Variants in ROR1 observed in about 807,000 individuals in gnomAD.
The protein encoded by ROR1 is ROR family WNT receptor 1.
In ROR1, 19 loss-of-function variants were observed where a neutral mutation model predicts 78.8. The ratio of observed to expected loss-of-function variants is 0.24; its 90% CI spans 0.17 to 0.35. The LOEUF (loss-of-function observed/expected upper bound fraction) is 0.35, where lower values mean the gene tolerates loss of function less well. Among genes scored for constraint, ROR1 ranks in the 10% least tolerant of loss-of-function variants. ROR1 has a pLI of 1.00. For missense variants in ROR1, 917 were observed against 1,177.8 expected, an observed-to-expected ratio of 0.78 and a Z score of 3.24; for synonymous variants, 386 against 433.6, an observed-to-expected ratio of 0.89 and a Z score of 1.36.
At chr1:63,881,946 C>A (rs1645325785) in intron 1 of ROR1, among the ~76,000 whole-genome samples, 1 of 152,092 alleles carries the variant, frequency 6.6e-6, no homozygotes, top group East Asian at 1.9e-4. Context: ...AGATGTACCA[C>A]CCATTTTCTG....
chr1:64,054,849 C>G (rs1366941583), intron 4 of ROR1, among the ~76,000 whole-genome samples: 1 of 152,088 alleles, frequency 6.6e-6, no homozygotes, highest in Non-Finnish European at 1.5e-5. Context: ...GGGGTTGGTT[C>G]TTTCTTATGG....
intron 1 of ROR1, among the ~76,000 whole-genome samples, chr1:63,804,672 C>T (rs906911928): frequency 3.9e-5 from 6 of 152,050 alleles, no homozygotes; most frequent in African/African-American, 9.7e-5. Flanking sequence ...AAGTGCAGAA[C>T]GTGTAGGTTT....
At chr1:63,903,134 T>C (rs1300470232) in intron 1 of ROR1, among the ~76,000 whole-genome samples, 1 of 152,108 alleles carries the variant, frequency 6.6e-6, no homozygotes, top group Non-Finnish European at 1.5e-5. Context: ...CCCAATAAAA[T>C]CAGGGTTCTG....
intron 1 of ROR1, among the ~76,000 whole-genome samples, chr1:63,866,396 T>C (rs1645215611): frequency 2.0e-5 from 3 of 152,214 alleles, no homozygotes; most frequent in Admixed American, 2.0e-4. Context: ...TGGCTGCTCA[T>C]TGCAAAACCC....
intron 4 of ROR1, among the ~76,000 whole-genome samples, chr1:64,071,599 A>G (rs1647004588): frequency 6.7e-6 from 1 of 149,652 alleles, no homozygotes; most frequent in South Asian, 2.2e-4. Context: ...ACACACACAC[A>G]GACACACACA....
At chr1:63,995,381 G>T (rs997928088) in intron 1 of ROR1, among the ~76,000 whole-genome samples, 1 of 152,008 alleles carries the variant, frequency 6.6e-6, no homozygotes, top group Admixed American at 6.6e-5. Flanking sequence ...CTGTACTTTT[G>T]CCTCTCTCAA....
At chr1:64,021,134 T>C (rs1225361742) in intron 2 of ROR1, among the ~76,000 whole-genome samples, 1 of 151,512 alleles carries the variant, frequency 6.6e-6, no homozygotes, top group Non-Finnish European at 1.5e-5. Context: ...TTGCTGCAAA[T>C]AACTCATGAT....
intron 1 of ROR1, among the ~76,000 whole-genome samples, chr1:63,875,371 G>A (rs1202781923): frequency 6.6e-6 from 1 of 152,104 alleles, no homozygotes; most frequent in Non-Finnish European, 1.5e-5. Context: ...AATTAGACAG[G>A]GCTATGTTTA....
intron 7 of ROR1, among the ~76,000 whole-genome samples, chr1:64,150,142 C>T (rs1333971243): frequency 6.6e-6 from 1 of 152,144 alleles, no homozygotes; most frequent in Non-Finnish European, 1.5e-5. Flanking sequence ...CTAGCCATGC[C>T]AGCATGTCTG....
intron 2 of ROR1, among the ~76,000 whole-genome samples, chr1:64,013,304 G>T (rs1646492368): frequency 6.6e-6 from 1 of 151,980 alleles, no homozygotes; most frequent in South Asian, 2.1e-4. Flanking sequence ...TCCCTTTCTG[G>T]CCTTCCACAC....
chr1:63,789,313 C>T, intron 1 of ROR1: 1 of 506,598 alleles, frequency 2.0e-6, no homozygotes, highest in Non-Finnish European at 3.7e-6. Flanking sequence ...ATGGCTGTGA[C>T]CATAGCAGTG....
chr1:64,088,279 A>G (rs962886089), intron 4 of ROR1, among the ~76,000 whole-genome samples: 2 of 152,208 alleles, frequency 1.3e-5, no homozygotes, highest in African/African-American at 4.8e-5. Flanking sequence ...ATGTATGTCC[A>G]GAATAGCTCT....
intron 4 of ROR1, among the ~76,000 whole-genome samples, chr1:64,062,946 C>G (rs1363564461): frequency 1.3e-5 from 2 of 152,042 alleles, no homozygotes; most frequent in South Asian, 4.2e-4. Flanking sequence ...TGGCTGGAGC[C>G]TATGAAATGA....
At chr1:63,942,580 C>T (rs971882686) in intron 1 of ROR1, among the ~76,000 whole-genome samples, 1 of 152,050 alleles carries the variant, frequency 6.6e-6, no homozygotes, top group African/African-American at 2.4e-5. Flanking sequence ...ATTGCTAGCC[C>T]GTCTCTCACT....
At chr1:64,081,930 GTATGTT>G (rs1438514224) in intron 4 of ROR1, among the ~76,000 whole-genome samples, 1 of 152,096 alleles carries the variant, frequency 6.6e-6, no homozygotes, top group Non-Finnish European at 1.5e-5. Flanking sequence ...TTTTATGTTA[GTATGTT>G]TATAACGTTT....
intron 7 of ROR1, among the ~76,000 whole-genome samples, chr1:64,145,790 C>T (rs185923057): frequency 1.3e-5 from 2 of 152,294 alleles, no homozygotes; most frequent in East Asian, 3.9e-4. Context: ...TACTAAGCAC[C>T]TTCCACGCAC....
chr1:63,969,087 T>C (rs1646098646), intron 1 of ROR1, among the ~76,000 whole-genome samples: 1 of 152,132 alleles, frequency 6.6e-6, no homozygotes, highest in Non-Finnish European at 1.5e-5. Context: ...TCCAGACTAC[T>C]GTAGTTATGC....
At chr1:64,016,148 C>G (rs1295392035) in intron 2 of ROR1, among the ~76,000 whole-genome samples, 1 of 152,092 alleles carries the variant, frequency 6.6e-6, no homozygotes, top group African/African-American at 2.4e-5. Context: ...AGCTCTGGGC[C>G]TCAGGGTTTT....
chr1:63,901,119 G>A (rs1426915845), intron 1 of ROR1, among the ~76,000 whole-genome samples: 1 of 152,154 alleles, frequency 6.6e-6, no homozygotes, highest in African/African-American at 2.4e-5. Context: ...ACCTGGCCTG[G>A]CCCGCTGTAA....
Sources: allele counts gnomAD v4.1 joint callset (sites outside exome capture counted in the v4.1 genomes callset), GRCh38; gene constraint gnomAD v4.1.1; transcripts MANE v1.5; gene names NCBI Gene and HGNC (gene_info 2026-07-23, HGNC 2026-07-21).